Variants in UTY observed in about 807,000 individuals in gnomAD.
UTY encodes ubiquitously transcribed tetratricopeptide repeat containing, Y-linked, also known as histone demethylase UTY.
A neutral mutation model predicts 32.5 loss-of-function variants in UTY; 12 were observed. That is an observed-to-expected ratio of 0.37 (90% CI 0.24 to 0.60). UTY has a LOEUF of 0.60. UTY is among the 20% of genes least tolerant of loss of function. The pLI, the probability that UTY is intolerant of heterozygous loss-of-function variation, is 0.69. For synonymous variants in UTY, 131 were observed against 103.4 expected (o/e 1.27, Z -1.62); for missense variants, 303 against 299.2 (o/e 1.01, Z -0.09).
intron 4 of UTY, among the ~76,000 whole-genome samples, chrY:13,444,763 G>C (rs887518318): frequency 3.0e-5 from 1 of 33,337 alleles, no homozygotes; most frequent in African/African-American, 1.2e-4. Context: ...AAAGAGTAAT[G>C]AAGGATACAT....
rs538047228 is a variant in UTY at position 13,262,881 on chromosome Y, G to A, written c.4011-2477C>T. Among the ~76,000 whole-genome samples, 134 of 32,736 alleles carry A rather than the reference G, an allele frequency of 4.1e-3. No homozygotes were observed. The South Asian group carries it at 0.072, about 18-fold the overall frequency. The allele number at this position is 32,736 out of a possible 37,273, so 87.8% of individuals were successfully genotyped here. On this transcript the variant is annotated intron_variant, in intron 27 of 29. Transcript: ENST00000545955. The stretch of plus-strand genomic sequence containing the variant: ...ACGTGACCATAATGAAGCTTATTCT[G>A]TGCAATCAGTTTGGTTCTATTTGTT...
intron 17 of UTY, among the ~76,000 whole-genome samples, chrY:13,352,264 A>C (rs984231388): frequency 1.2e-4 from 4 of 33,208 alleles, no homozygotes; most frequent in African/African-American, 4.7e-4. Flanking sequence ...CTCTCACCTG[A>C]GATTTGTGGA....
At chrY:13,339,171 G>C (rs768957145) in intron 17 of UTY, among the ~76,000 whole-genome samples, 18 of 33,450 alleles carry the variant, frequency 5.4e-4, no homozygotes, top group African/African-American at 2.1e-3. Flanking sequence ...AGACTGTCTC[G>C]AACCTTTTTT....
At chrY:13,318,652 G>T in intron 21 of UTY, among the ~76,000 whole-genome samples, 4 of 33,102 alleles carry the variant, frequency 1.2e-4, no homozygotes, top group African/African-American at 4.7e-4. Context: ...AATTATAAGA[G>T]ATTTTTAACT....
At chrY:13,386,408 T>C (rs536564876) in intron 8 of UTY, among the ~76,000 whole-genome samples, 18 of 32,479 alleles carry the variant, frequency 5.5e-4, no homozygotes, top group African/African-American at 6.0e-4. Flanking sequence ...CCAAGTCTAT[T>C]TCATTTATAT....
chrY:13,286,569 G>C (rs984745605), intron 27 of UTY: 1 of 352,699 alleles, frequency 2.8e-6, no homozygotes, highest in Non-Finnish European at 4.0e-6. Context: ...ACACTTGGGA[G>C]GTGCTTGTGT....
At chrY:13,321,802 C>A (rs1282427266) in intron 21 of UTY, among the ~76,000 whole-genome samples, 2 of 33,177 alleles carry the variant, frequency 6.0e-5, no homozygotes, top group Non-Finnish European at 1.5e-4. Flanking sequence ...ACATCCTCAA[C>A]CTTGGCAAAA....
chrY:13,468,286 G>C (rs2078099692), intron 3 of UTY, among the ~76,000 whole-genome samples: 5 of 32,117 alleles, frequency 1.6e-4, no homozygotes, highest in African/African-American at 6.1e-4. Context: ...AAAAGAAAAA[G>C]AAATATTGCA....
chrY:13,322,129 G>A (rs2059882774), intron 21 of UTY, among the ~76,000 whole-genome samples: 1 of 32,978 alleles, frequency 3.0e-5, no homozygotes, highest in African/African-American at 1.2e-4. Context: ...ATTTTCTGGA[G>A]GTCAATGATA....
At chrY:13,273,011 G>A in intron 27 of UTY, among the ~76,000 whole-genome samples, 1 of 33,382 alleles carries the variant, frequency 3.0e-5, no homozygotes, top group East Asian at 7.7e-4. Flanking sequence ...ATTATTTGGG[G>A]GATCACTAAG....
chrY:13,455,795 T>C, intron 3 of UTY, among the ~76,000 whole-genome samples: 1 of 32,586 alleles, frequency 3.1e-5, no homozygotes, highest in South Asian at 7.1e-4. Flanking sequence ...TTGAGTATTC[T>C]GTCCTGACCC....
intron 8 of UTY, among the ~76,000 whole-genome samples, chrY:13,386,322 G>A (rs2066753870): frequency 3.6e-5 from 1 of 28,024 alleles, no homozygotes; most frequent in East Asian, 9.4e-4. Flanking sequence ...GGATGGTCTC[G>A]ATCTCCTGAC....
At chrY:13,238,758 C>G in intron 28 of UTY, among the ~76,000 whole-genome samples, 3 of 34,025 alleles carry the variant, frequency 8.8e-5, no homozygotes, top group Non-Finnish European at 1.5e-4. Context: ...AGAAATCATA[C>G]AGAGACTATC....
intron 17 of UTY, among the ~76,000 whole-genome samples, chrY:13,346,130 A>G: frequency 3.0e-5 from 1 of 33,177 alleles, no homozygotes; most frequent in Non-Finnish European, 7.4e-5. Flanking sequence ...ATTTATCAGC[A>G]CCTATACACA....
In UTY at chrY:13,369,310, A is replaced by G. The variant is rs1469956766; in HGVS notation, c.685T>C (p.Leu229=). ...TGTGCAGGAAGGTTTTCTGTCTGCA[A>G]AAGTTGTTCATATGCCTCCTTTGCA... is the stretch of plus-strand genomic sequence containing the variant. ...HSAKEAYEQL[L]QTENLPAQVK... Residue 229 remains leucine, a synonymous_variant, in exon 9 of 30, where the codon TTG becomes CTG. Transcript: ENST00000545955. The G allele has an allele frequency of 1.1e-5, 4 of 370,377 alleles. No individual in the cohort carries two copies. The highest frequency in any genetic ancestry group is 1.5e-5 in the Non-Finnish European group (4 of 267,912). 92.4% of individuals were successfully genotyped at this position (370,377 alleles called of 400,897 possible). A position where few individuals can be genotyped will look rare whatever the true frequency, so the allele number is the denominator to read the frequency against.
chrY:13,290,032 G>C lies in UTY; in HGVS notation c.4010+7675C>G. 1.9e-4 allele frequency among the ~76,000 whole-genome samples: 6 copies of C among 31,913 alleles called. No individual in the cohort carries two copies. The South Asian group carries it at 4.2e-3, about 23-fold the overall frequency. The allele number at this position is 31,913 out of a possible 37,273, so 85.6% of individuals were successfully genotyped here. ...AAAAAACAATAGCTGACTTGAACCA[G>C]TACTAACAGGAAAGTTTATGACTAT... On this transcript the variant is annotated intron_variant, in intron 27 of 29. Coordinates refer to ENST00000545955, the MANE Select transcript of UTY (RefSeq NM_001258249.2).
Position 13,369,326 on chromosome Y carries a change from C to T in UTY, c.669G>A (p.Glu223=). The T allele has an allele frequency of 2.8e-6, 1 of 354,679 alleles. No homozygotes were observed. Among genetic ancestry groups the T allele is most frequent in the Non-Finnish European group, 3.9e-6 (1 of 258,855 alleles). The allele number at this position is 354,679 out of a possible 400,897, so 88.5% of individuals were successfully genotyped here. ...CTGTCTGCAAAAGTTGTTCATATGCCTCCTTTGCAGAATGATACTTCCTCT... is the reference window on the plus strand; with the variant it reads ...CTGTCTGCAAAAGTTGTTCATATGCTTCCTTTGCAGAATGATACTTCCTCT... ...ETQRKYHSAK[E]AYEQLLQTEN... Residue 223 remains glutamate, a synonymous_variant, in exon 9 of 30, where the codon GAG becomes GAA. Coordinates refer to ENST00000545955, the MANE Select transcript of UTY (RefSeq NM_001258249.2).
intron 8 of UTY, among the ~76,000 whole-genome samples, chrY:13,381,444 A>G: frequency 2.9e-5 from 1 of 34,353 alleles, no homozygotes; most frequent in Non-Finnish European, 7.3e-5. Flanking sequence ...GAATTGCCTG[A>G]ACCCGGGAGG....
At chrY:13,377,467 C>G (rs2065518610) in intron 8 of UTY, among the ~76,000 whole-genome samples, 1 of 33,507 alleles carries the variant, frequency 3.0e-5, no homozygotes. Context: ...AATCCCAGCA[C>G]TTTGGGAGGC....
Sources: gnomAD v4.1 joint callset for allele counts (sites outside exome capture counted in the v4.1 genomes callset) on GRCh38, gnomAD v4.1.1 for gene constraint, MANE v1.5 for transcripts, NCBI Gene and HGNC (gene_info 2026-07-23, HGNC 2026-07-21) for gene names.